Variants in MATN2 observed in about 807,000 individuals in gnomAD.
The protein encoded by MATN2 is matrilin 2.
A neutral mutation model predicts 103.2 loss-of-function variants in MATN2; 69 were observed. The ratio of observed to expected loss-of-function variants is 0.67; its 90% CI spans 0.55 to 0.82. The LOEUF (loss-of-function observed/expected upper bound fraction) is 0.82, where lower values mean the gene tolerates loss of function less well. Among genes scored for constraint, MATN2 ranks in the 40% least tolerant of loss-of-function variants. The pLI is 0.00. For synonymous variants in MATN2, 429 were observed against 450.2 expected (o/e 0.95, Z 0.60); for missense variants, 1,023 against 1,211.5 (o/e 0.84, Z 2.31).
At chr8:97,994,107 AAAGG>A (rs149580915) in intron 6 of MATN2, among the ~76,000 whole-genome samples, 20,949 of 147,712 alleles carry the variant, frequency 0.14, 1,716 homozygotes, top group Admixed American at 0.21. Context: ...GGAAGAAAGG[AAAGG>A]AAGGAAGGAA....
At chr8:97,963,462 C>G (rs545982691) in intron 5 of MATN2, among the ~76,000 whole-genome samples, 1 of 152,322 alleles carries the variant, frequency 6.6e-6, no homozygotes, top group Middle Eastern at 3.4e-3. Context: ...ACCCATTTCT[C>G]TGAGTGTTTC....
chr8:97,988,497 G>A (rs1812280583), intron 6 of MATN2, among the ~76,000 whole-genome samples: 1 of 151,850 alleles, frequency 6.6e-6, no homozygotes, highest in Admixed American at 6.6e-5. Flanking sequence ...ATGGTGGCAA[G>A]TGCCTGTAGT....
rs370962170 is a variant in MATN2, at chr8:98,027,478, G to A, written c.2005G>A (p.Glu669Lys). 3 of 1,613,808 alleles carry A rather than the reference G, an allele frequency of 1.9e-6. No individual in the cohort carries two copies. Among genetic ancestry groups the A allele is most frequent in the African/African-American group, 1.3e-5 (1 of 74,922 alleles). ...CGATGGATCCAAGAGTCTTGGAGAA[G>A]AGAATTTTGAGGTCGTGAAGCAGTT... ...VIDGSKSLGE[E>K]NFEVVKQFVT... is the part of the protein sequence containing the mutation. The change falls in exon 14 of 19, where the codon GAG becomes AAG. Residue 669 changes from glutamate to lysine, a missense_variant. Physicochemically the swap from Glu to Lys is moderately conservative, Grantham distance 56. Coordinates refer to ENST00000254898, the MANE Select transcript of MATN2 (RefSeq NM_002380.5).
At chr8:97,987,254 C>T (rs146144207) in intron 6 of MATN2, among the ~76,000 whole-genome samples, 6 of 152,202 alleles carry the variant, frequency 3.9e-5, no homozygotes, top group Middle Eastern at 3.4e-3. Flanking sequence ...CACATGGACA[C>T]GTGATAGGGA....
At chr8:97,959,622 T>A (rs754973490) in intron 4 of MATN2, among the ~76,000 whole-genome samples, 2 of 152,212 alleles carry the variant, frequency 1.3e-5, no homozygotes, top group Non-Finnish European at 2.9e-5. Flanking sequence ...GGCTTTTTTT[T>A]CCATCTACTT....
chr8:97,913,558 G>A (rs918080561), intron 2 of MATN2, among the ~76,000 whole-genome samples: 1 of 150,992 alleles, frequency 6.6e-6, no homozygotes, highest in African/African-American at 2.4e-5. Context: ...CAGGTGATCT[G>A]CCTTCCTCGG....
At chr8:97,984,393 TTAG>T (rs1425294132) in intron 6 of MATN2, among the ~76,000 whole-genome samples, 1 of 152,252 alleles carries the variant, frequency 6.6e-6, no homozygotes, top group African/African-American at 2.4e-5. Context: ...TTTATTTCAC[TTAG>T]TAGACTAGCC....
chr8:98,018,030 A>G lies in MATN2; in HGVS notation c.1733A>G (p.Glu578Gly). The change falls in exon 12 of 19, where the codon GAA becomes GGA. Residue 578 changes from glutamate (E) to glycine (G), a missense_variant. Physicochemically the swap from Glu to Gly is moderately conservative, Grantham distance 98. Coordinates refer to ENST00000254898, the MANE Select transcript of MATN2 (RefSeq NM_002380.5). ...TGCCAAGCTATAGACCATGGCTGTGAACACATTTGTGTGAACAGTGATGAC... is the reference window on the plus strand; with the variant it reads ...TGCCAAGCTATAGACCATGGCTGTGGACACATTTGTGTGAACAGTGATGAC... ...DVCQAIDHGCEHICVNSDDSY... is the reference protein window; with the variant it reads ...DVCQAIDHGCGHICVNSDDSY... 1 of 1,613,848 alleles carries G rather than the reference A, an allele frequency of 6.2e-7. No homozygotes were observed. Among genetic ancestry groups the G allele is most frequent in the African/African-American group, 1.3e-5 (1 of 75,038 alleles).
intron 2 of MATN2, among the ~76,000 whole-genome samples, chr8:97,921,702 G>A (rs1809812535): frequency 6.6e-6 from 1 of 152,248 alleles, no homozygotes. Context: ...CGCATCTCAG[G>A]TGTCTGTGGA....
intron 4 of MATN2, among the ~76,000 whole-genome samples, chr8:97,954,510 C>T (rs1029396323): frequency 2.0e-5 from 3 of 152,168 alleles, no homozygotes; most frequent in South Asian, 2.1e-4. Context: ...ATACTCCCAC[C>T]GTGGACATTT....
chr8:97,874,244 G>A (rs1390760673), intron 1 of MATN2, among the ~76,000 whole-genome samples: 1 of 152,082 alleles, frequency 6.6e-6, no homozygotes, highest in Non-Finnish European at 1.5e-5. Context: ...AAAAATCCAG[G>A]TGTCAGCAGG....
rs528446886 is a variant in MATN2 at position 97,982,506 on chromosome 8, T to C, written c.1081+3498T>C. On this transcript the variant is annotated intron_variant, in intron 6 of 18. Coordinates refer to ENST00000254898, the MANE Select transcript of MATN2 (RefSeq NM_002380.5). The surrounding 1 kb of genome is among the most constrained non-coding windows in gnomAD (Gnocchi z 4.3). The stretch of plus-strand genomic sequence containing the variant: ...TTTCTCAAATTTCAGCCTATATTTT[T>C]AACCAAAAGTATATTTGAAAGCGAA... 6.6e-6 allele frequency among the ~76,000 whole-genome samples: 1 copy of C among 152,328 alleles called. No individual in the cohort carries two copies. The highest frequency in any genetic ancestry group is 2.4e-5 in the African/African-American group (1 of 41,568).
chr8:97,874,685 G>A lies in MATN2; in HGVS notation c.-27+5398G>A, dbSNP rs545450296. Among the ~76,000 whole-genome samples, 3 of 151,216 alleles carry A rather than the reference G, an allele frequency of 2.0e-5. No homozygotes were observed. In the South Asian group the frequency reaches 6.3e-4, roughly 32 times the overall value. ...CTGCCTTGGTTTCCCAAAGTGCTGG[G>A]ATTACAGGCATGAGCCACCATGCCC... On this transcript the variant is annotated intron_variant, in intron 1 of 18. Coordinates refer to ENST00000254898, the MANE Select transcript of MATN2 (RefSeq NM_002380.5).
chr8:97,961,422 GC>G lies in MATN2; in HGVS notation c.852del (p.Met285TrpfsTer11). 3 of 1,613,052 alleles carry G rather than the reference GC, an allele frequency of 1.9e-6. No homozygotes were observed. The highest frequency in any genetic ancestry group is 2.5e-6 in the Non-Finnish European group (3 of 1,179,456). ...QTTCRIQDLC[A>X]MEDHNCEQLC... Reference sequence around the variant, plus strand: ...CTTTGCCTCAGTCCAGGATCTGTGTGCCATGGAGGACCACAACTGTGAGCAG... The same window carrying G: ...CTTTGCCTCAGTCCAGGATCTGTGTGCATGGAGGACCACAACTGTGAGCAG... On this transcript the variant is annotated frameshift_variant, in exon 5 of 19. Coordinates refer to ENST00000254898, the MANE Select transcript of MATN2 (RefSeq NM_002380.5). LOFTEE classifies it high-confidence loss of function.
In MATN2 at chr8:97,925,946, G is replaced by A. The variant is rs1404859058; in HGVS notation, c.143-5007G>A. ...TGCCATGATTGAATTTAGCCAGAAC[G>A]GGAGAGAGGCTGATTAGTGACAAGG... On this transcript the variant is annotated intron_variant, in intron 2 of 18. Coordinates refer to ENST00000254898, the MANE Select transcript of MATN2 (RefSeq NM_002380.5). 3.3e-5 allele frequency among the ~76,000 whole-genome samples: 5 copies of A among 152,184 alleles called. No individual in the cohort carries two copies. The East Asian group carries it at 5.8e-4, about 18-fold the overall frequency.
intron 2 of MATN2, among the ~76,000 whole-genome samples, chr8:97,889,445 C>T (rs111447879): frequency 0.013 from 1,108 of 83,718 alleles, 24 homozygotes; most frequent in African/African-American, 0.045. Flanking sequence ...ACATCTCTCT[C>T]TCTCTCTCTC....
At chr8:98,032,399 G>C (rs544117246) in intron 16 of MATN2, 82 bp downstream of exon 16, 14 of 1,046,390 alleles carry the variant, frequency 1.3e-5, no homozygotes, top group Admixed American at 2.2e-5. Flanking sequence ...GTAAAGAAGT[G>C]AATGTAAGTA....
chr8:98,018,246 GA>G, intron 12 of MATN2, 130 bp downstream of exon 12: 1 of 1,244,424 alleles, frequency 8.0e-7, no homozygotes, highest in Non-Finnish European at 1.1e-6. Flanking sequence ...TGGGTGCTCT[GA>G]AAGTGTTTAG....
intron 2 of MATN2, among the ~76,000 whole-genome samples, chr8:97,894,507 A>C (rs963795342): frequency 1.3e-5 from 2 of 151,858 alleles, no homozygotes; most frequent in Non-Finnish European, 2.9e-5. Flanking sequence ...TTTTTTGCAG[A>C]GACAGGGTCT....
Sources: allele counts gnomAD v4.1 joint callset (sites outside exome capture counted in the v4.1 genomes callset), GRCh38; gene constraint gnomAD v4.1.1; non-coding constraint Gnocchi (gnomAD v3.1); transcripts MANE v1.5; gene names NCBI Gene and HGNC (gene_info 2026-07-23, HGNC 2026-07-21).